SGCD: variants seen among roughly 807,000 people sequenced by gnomAD.
SGCD encodes the protein sarcoglycan delta.
SGCD carries 18 observed loss-of-function variants against 36.6 expected under a neutral mutation model. The ratio of observed to expected loss-of-function variants is 0.49; its 90% CI spans 0.34 to 0.73. The LOEUF (loss-of-function observed/expected upper bound fraction) is 0.73. SGCD is among the 30% of genes least tolerant of loss of function. The pLI is 0.01. For missense variants in SGCD, 387 were observed against 346.7 expected (o/e 1.12, Z -0.92); for synonymous variants, 133 against 130.6 (o/e 1.02, Z -0.12).
At chr5:156,423,352 T>G (rs1420749016) in intron 3 of SGCD, among the ~76,000 whole-genome samples, 1 of 22,328 alleles carries the variant, frequency 4.5e-5, no homozygotes, top group Non-Finnish European at 9.8e-5. Context: ...ATATTATAAT[T>G]TTATTATAAT....
intron 4 of SGCD, among the ~76,000 whole-genome samples, chr5:156,578,909 A>T (rs1031750201): frequency 1.3e-5 from 2 of 152,040 alleles, no homozygotes; most frequent in African/African-American, 4.8e-5. Flanking sequence ...TTGTGTCTCT[A>T]TGTCCTTCAG....
At chr5:156,458,348 G>T in intron 3 of SGCD, 1 of 1,167,984 alleles carries the variant, frequency 8.6e-7, no homozygotes, top group South Asian at 1.3e-5. Flanking sequence ...TGTAGGTTTT[G>T]GGGGATTACT....
At chr5:156,244,691 G>A (rs1197768513) in intron 3 of SGCD, among the ~76,000 whole-genome samples, 1 of 152,108 alleles carries the variant, frequency 6.6e-6, no homozygotes, top group Non-Finnish European at 1.5e-5. Context: ...GAATCACTTG[G>A]GAAGATTTTA....
chr5:156,570,790 C>T (rs1759687415), intron 4 of SGCD, among the ~76,000 whole-genome samples: 1 of 152,120 alleles, frequency 6.6e-6, no homozygotes, highest in African/African-American at 2.4e-5. Flanking sequence ...CTGATCCTTT[C>T]CTTCCTCCCA....
Position 156,469,518 on chromosome 5 carries a change from A to G in SGCD, c.193-39083A>G, listed in dbSNP as rs1210158152. Among the ~76,000 whole-genome samples, 10 of 152,366 alleles carry G rather than the reference A, an allele frequency of 6.6e-5. No individual in the cohort carries two copies. In the East Asian group the frequency reaches 1.9e-3, roughly 29 times the overall value. On this transcript the variant is annotated intron_variant, in intron 3 of 8. Transcript: ENST00000337851. ...TTTATATTTATTTAAAGGAGTGAAT[A>G]TTAGTATTTTGGAAAATCAATTGAA...
chr5:156,142,306 A>C (rs1449558684), intron 3 of SGCD, among the ~76,000 whole-genome samples: 1 of 152,224 alleles, frequency 6.6e-6, no homozygotes, highest in Non-Finnish European at 1.5e-5. Flanking sequence ...TTTTCTTTAT[A>C]AATTAACCAG....
intron 6 of SGCD, among the ~76,000 whole-genome samples, chr5:156,626,174 C>T (rs1311701358): frequency 6.6e-6 from 1 of 152,170 alleles, no homozygotes; most frequent in Non-Finnish European, 1.5e-5. Flanking sequence ...GGTTGAGAAG[C>T]CGTGGGCTAG....
intron 3 of SGCD, among the ~76,000 whole-genome samples, chr5:156,171,271 G>C (rs1763340064): frequency 6.6e-6 from 1 of 152,198 alleles, no homozygotes; most frequent in South Asian, 2.1e-4. Flanking sequence ...CAATCACTGA[G>C]GACTTGGTTA....
intron 3 of SGCD, among the ~76,000 whole-genome samples, chr5:156,185,254 G>A (rs1399934903): frequency 7.0e-5 from 8 of 114,660 alleles, no homozygotes; most frequent in South Asian, 2.8e-4. Context: ...TTGCTCTGTT[G>A]CCCAGGCTGG....
chr5:156,370,134 AT>A (rs1192943589), intron 3 of SGCD, among the ~76,000 whole-genome samples: 4 of 152,200 alleles, frequency 2.6e-5, no homozygotes, highest in African/African-American at 9.7e-5. Context: ...AAGGTCGCAG[AT>A]TCTGCTCAGT....
intron 4 of SGCD, among the ~76,000 whole-genome samples, chr5:156,556,339 T>C (rs1468888294): frequency 1.3e-5 from 2 of 152,154 alleles, no homozygotes; most frequent in Non-Finnish European, 2.9e-5. Flanking sequence ...GGTCTTTTTC[T>C]AGAAATCTTT....
intron 1 of SGCD, among the ~76,000 whole-genome samples, chr5:155,989,424 T>C (rs901713720): frequency 5.9e-5 from 9 of 152,172 alleles, no homozygotes; most frequent in South Asian, 2.1e-4. Flanking sequence ...AAAAACAGGT[T>C]CTTAGTTTAA....
At chr5:156,484,480 C>T (rs553372554) in intron 3 of SGCD, among the ~76,000 whole-genome samples, 1 of 152,162 alleles carries the variant, frequency 6.6e-6, no homozygotes, top group African/African-American at 2.4e-5. Flanking sequence ...GCTGCTACTG[C>T]AATACTCTGT....
intron 1 of SGCD, among the ~76,000 whole-genome samples, chr5:155,954,727 T>C (rs1396127171): frequency 6.6e-6 from 1 of 152,136 alleles, no homozygotes; most frequent in Non-Finnish European, 1.5e-5. Context: ...TAACAGGATA[T>C]GCTTTACCAG....
At chr5:156,313,471 A>G (rs1767442585) in intron 3 of SGCD, among the ~76,000 whole-genome samples, 2 of 152,114 alleles carry the variant, frequency 1.3e-5, no homozygotes, top group Non-Finnish European at 2.9e-5. Context: ...GCTAGTACAC[A>G]GTGAGTACTT....
intron 3 of SGCD, among the ~76,000 whole-genome samples, chr5:156,461,101 C>A (rs1186456935): frequency 6.6e-6 from 1 of 152,224 alleles, no homozygotes; most frequent in Non-Finnish European, 1.5e-5. Context: ...TTTCTTAAAC[C>A]AGGAGTACCT....
At chr5:155,839,806 T>C in the SGCD span, among the ~76,000 whole-genome samples, 1 of 152,094 alleles carries the variant, frequency 6.6e-6, no homozygotes, top group East Asian at 1.9e-4. Context: ...CCAATAGACT[T>C]GAATAAACAG....
the SGCD span, among the ~76,000 whole-genome samples, chr5:155,861,431 G>A: frequency 6.6e-6 from 1 of 152,012 alleles, no homozygotes; most frequent in Non-Finnish European, 1.5e-5. Flanking sequence ...GACTGGACAC[G>A]GTGGCTCACT....
chr5:156,611,046 G>A (rs934216112), intron 6 of SGCD, among the ~76,000 whole-genome samples: 1 of 152,190 alleles, frequency 6.6e-6, no homozygotes, highest in African/African-American at 2.4e-5. Context: ...TGCACCCACT[G>A]TCCTGCACCC....
Sources: gnomAD v4.1 joint callset for allele counts (sites outside exome capture counted in the v4.1 genomes callset) on GRCh38, gnomAD v4.1.1 for gene constraint, MANE v1.5 for transcripts, NCBI Gene and HGNC (gene_info 2026-07-23, HGNC 2026-07-21) for gene names.